ESRRG: variants seen among roughly 807,000 people sequenced by gnomAD.
ESRRG encodes estrogen-related receptor gamma.
Under a neutral mutation model 44.0 loss-of-function variants are expected in ESRRG, and 13 were observed. The observed-to-expected ratio is 0.30, with a 90% confidence interval of 0.19 to 0.47. ESRRG has a LOEUF of 0.47. ESRRG is among the 20% of genes least tolerant of loss of function. The pLI is 1.00. For missense variants in ESRRG, 395 were observed against 580.6 expected (o/e 0.68, Z 3.29); for synonymous variants, 215 against 214.6 (o/e 1.00, Z -0.02).
intron 1 of ESRRG, among the ~76,000 whole-genome samples, chr1:217,105,581 TG>T (rs1202579410): frequency 2.6e-5 from 4 of 152,154 alleles, no homozygotes; most frequent in Admixed American, 1.3e-4. Flanking sequence ...TGGCCTCCCC[TG>T]GACTCCCTGG....
rs78439630 is a variant in ESRRG, at chr1:217,080,476, A to T, written c.-106+9031T>A. 1.8e-4 allele frequency among the ~76,000 whole-genome samples: 28 copies of T among 151,764 alleles called. No individual in the cohort carries two copies. In the East Asian group the frequency reaches 4.3e-3, roughly 23 times the overall value. On this transcript the variant is annotated intron_variant, in intron 1 of 7. Coordinates refer to the ESRRG transcript ENST00000359162. ...GTTCTTAACACTGACTCATCATCAA[A>T]CTCCCTGAAGATTGTTTTCTTCATT...
chr1:216,987,505 C>T (rs1041201613), intron 1 of ESRRG, among the ~76,000 whole-genome samples: 67 of 152,300 alleles, frequency 4.4e-4, no homozygotes, highest in African/African-American at 1.3e-3. Context: ...ATCCTACTTC[C>T]TCTTTGAGGT....
chr1:216,793,040 G>C (rs769212603), intron 2 of ESRRG, among the ~76,000 whole-genome samples: 6 of 152,126 alleles, frequency 3.9e-5, no homozygotes, highest in Non-Finnish European at 8.8e-5. Flanking sequence ...TCCCAGACAG[G>C]TATCTGAGGT....
At chr1:216,939,295 A>T (rs2064718576) in intron 2 of ESRRG, among the ~76,000 whole-genome samples, 1 of 146,534 alleles carries the variant, frequency 6.8e-6, no homozygotes, top group Non-Finnish European at 1.5e-5. Flanking sequence ...TGATCACTAC[A>T]ACACATACTT....
intron 2 of ESRRG, among the ~76,000 whole-genome samples, chr1:216,739,264 G>GA (rs59371441): frequency 2.6e-4 from 37 of 143,936 alleles, no homozygotes; most frequent in African/African-American, 3.6e-4. Context: ...TCATTAAAGT[G>GA]AAAAAAAAAA....
intron 2 of ESRRG, among the ~76,000 whole-genome samples, chr1:216,895,788 C>T (rs927784984): frequency 6.6e-6 from 1 of 152,118 alleles, no homozygotes; most frequent in African/African-American, 2.4e-5. Flanking sequence ...TTATCTTGTG[C>T]CTGTTTTTAT....
chr1:217,053,465 A>AAAAGAAAGAAAG (rs3072270), intron 1 of ESRRG, among the ~76,000 whole-genome samples: 5,564 of 145,576 alleles, frequency 0.038, 194 homozygotes, highest in Admixed American at 0.067. Context: ...AAAGCCAAAA[A>AAAAGAAAGAAAG]AAAGAAAGAA....
chr1:216,855,526 G>A (rs1009466806), intron 2 of ESRRG, among the ~76,000 whole-genome samples: 1 of 152,164 alleles, frequency 6.6e-6, no homozygotes, highest in African/African-American at 2.4e-5. Context: ...AGAACCTGAG[G>A]CCAGCTAAAG....
chr1:216,579,301 C>G (rs2062277681), intron 3 of ESRRG, among the ~76,000 whole-genome samples: 1 of 152,028 alleles, frequency 6.6e-6, no homozygotes, highest in Admixed American at 6.6e-5. Context: ...TGGATCCACT[C>G]CAGATTCACA....
intron 1 of ESRRG, among the ~76,000 whole-genome samples, chr1:216,989,431 A>AC (rs889736553): frequency 7.0e-6 from 1 of 143,790 alleles, no homozygotes; most frequent in Non-Finnish European, 1.5e-5. Flanking sequence ...CTGTCTCAAA[A>AC]AAAAAAAAAA....
chr1:216,967,649 T>A (rs2070745130), intron 1 of ESRRG, among the ~76,000 whole-genome samples: 1 of 152,202 alleles, frequency 6.6e-6, no homozygotes, highest in African/African-American at 2.4e-5. Context: ...TGAAAGACAA[T>A]TTGGTTGCTT....
At chr1:216,596,818 G>A (rs12088947) in intron 3 of ESRRG, among the ~76,000 whole-genome samples, 67,344 of 151,752 alleles carry the variant, frequency 0.44, 16,068 homozygotes, top group African/African-American at 0.63. Context: ...ATATGACTTG[G>A]GCCAAATCTG....
chr1:216,916,963 G>A (rs189868960), intron 2 of ESRRG, among the ~76,000 whole-genome samples: 46 of 142,882 alleles, frequency 3.2e-4, no homozygotes, highest in African/African-American at 1.1e-3. Context: ...TAATCTGGGC[G>A]GGGCTCAGTG....
chr1:216,782,155 C>T (rs1250777624), intron 2 of ESRRG, among the ~76,000 whole-genome samples: 1 of 152,058 alleles, frequency 6.6e-6, no homozygotes, highest in African/African-American at 2.4e-5. Context: ...TAGCTACAGA[C>T]CAATTACAAA....
At chr1:216,828,097 T>C (rs1446814216) in intron 2 of ESRRG, among the ~76,000 whole-genome samples, 3 of 152,148 alleles carry the variant, frequency 2.0e-5, no homozygotes, top group Non-Finnish European at 2.9e-5. Context: ...CTATCAAGGA[T>C]TGAACATTTC....
At chr1:216,812,961 C>T (rs1251360274) in intron 2 of ESRRG, among the ~76,000 whole-genome samples, 1 of 152,126 alleles carries the variant, frequency 6.6e-6, no homozygotes, top group Non-Finnish European at 1.5e-5. Context: ...GGCTCCATAA[C>T]AAGTATTGGA....
At chr1:216,783,643 A>C (rs1397904571) in intron 2 of ESRRG, among the ~76,000 whole-genome samples, 1 of 151,672 alleles carries the variant, frequency 6.6e-6, no homozygotes, top group Non-Finnish European at 1.5e-5. Context: ...AGGTTAAGCT[A>C]TTCCCTCCTC....
chr1:217,035,477 G>A (rs2082729933), intron 1 of ESRRG, among the ~76,000 whole-genome samples: 1 of 151,892 alleles, frequency 6.6e-6, no homozygotes, highest in Admixed American at 6.6e-5. Flanking sequence ...TGTCAAAGGA[G>A]GCCTATTTTT....
chr1:216,972,518 C>T lies in ESRRG; in HGVS notation c.-105-32845G>A, dbSNP rs1347925623. On this transcript the variant is annotated intron_variant, in intron 1 of 7. Transcript: ENST00000359162. ...ACAAACTATAATCCATACTAACATA[C>T]AGCAGTAGCATCTAACAGTATTAGG... is the stretch of plus-strand genomic sequence containing the variant. 2.6e-5 allele frequency among the ~76,000 whole-genome samples: 4 copies of T among 152,166 alleles called. No homozygotes were observed. In the East Asian group the frequency reaches 5.8e-4, roughly 22 times the overall value.
Sources: allele counts gnomAD v4.1 joint callset (sites outside exome capture counted in the v4.1 genomes callset), GRCh38; gene constraint gnomAD v4.1.1; transcripts MANE v1.5; gene names NCBI Gene and HGNC (gene_info 2026-07-23, HGNC 2026-07-21).